The following LMBRD1 variants were observed in gnomAD, a reference collection of about 807,000 sequenced individuals.
LMBRD1 encodes LMBR1 domain containing 1, also known as lysosomal cobalamin transport escort protein LMBD1.
LMBRD1 carries 64 observed loss-of-function variants against 74.8 expected under a neutral mutation model. The observed-to-expected ratio is 0.86, with a 90% CI of 0.70 to 1.05. LMBRD1 has a LOEUF of 1.05. LMBRD1 is among the 50% of genes least tolerant of loss of function. LMBRD1 has a pLI of 0.00. For synonymous variants in LMBRD1, 204 were observed against 216.3 expected (o/e 0.94, Z 0.50); for missense variants, 652 against 645.9 (o/e 1.01, Z -0.10).
rs754843391 is a variant in LMBRD1, at chr6:69,773,996, G to GA, written c.307+6497dup. On this transcript the variant is annotated intron_variant, in intron 3 of 15. Coordinates refer to ENST00000649934, the MANE Select transcript of LMBRD1 (RefSeq NM_018368.4). ...ACATCTACACACAAGATGATAGCCT[G>GA]AAAACTAGTGTCAAGAGAAGAAAGT... Among the ~76,000 whole-genome samples the GA allele has an allele frequency of 2.6e-5, 4 of 152,276 alleles. No homozygotes were observed. In the East Asian group the frequency reaches 7.7e-4, roughly 29 times the overall value.
chr6:69,706,961 C>T (rs1055350790), intron 9 of LMBRD1, among the ~76,000 whole-genome samples: 3 of 152,128 alleles, frequency 2.0e-5, no homozygotes, highest in African/African-American at 4.8e-5. Flanking sequence ...ATTCTCTGCT[C>T]GAGGTCTCAC....
At chr6:69,789,890 G>A (rs932622330) in intron 2 of LMBRD1, among the ~76,000 whole-genome samples, 2 of 152,214 alleles carry the variant, frequency 1.3e-5, no homozygotes, top group African/African-American at 4.8e-5. Flanking sequence ...CTAGAACTCA[G>A]ATCTTATAAT....
chr6:69,751,570 C>T (rs1461574434), intron 4 of LMBRD1, among the ~76,000 whole-genome samples: 1 of 152,146 alleles, frequency 6.6e-6, no homozygotes, highest in Non-Finnish European at 1.5e-5. Flanking sequence ...TCAGGTGATC[C>T]GCCCGCCTCG....
Position 69,674,273 on chromosome 6 carries a change from C to G in LMBRD1, c.*1885G>C, listed in dbSNP as rs1765502113. Reference sequence around the variant, plus strand: ...TTTAATTACTTTTAAAAGGCCCTATCTCCACATAAAGTATTATTCTATGAA... The same window carrying G: ...TTTAATTACTTTTAAAAGGCCCTATGTCCACATAAAGTATTATTCTATGAA... On this transcript the variant is annotated 3_prime_UTR_variant, in exon 16 of 16. Transcript: ENST00000649934. 6.6e-6 allele frequency among the ~76,000 whole-genome samples: 1 copy of G among 152,168 alleles called. No individual in the cohort carries two copies. Among genetic ancestry groups the G allele is most frequent in the Non-Finnish European group, 1.5e-5 (1 of 68,036 alleles).
intron 5 of LMBRD1, among the ~76,000 whole-genome samples, chr6:69,748,797 G>C (rs1460172064): frequency 6.6e-6 from 1 of 151,816 alleles, no homozygotes; most frequent in Non-Finnish European, 1.5e-5. Flanking sequence ...ATAAAAACAA[G>C]AAGAATTAAG....
intron 3 of LMBRD1, among the ~76,000 whole-genome samples, chr6:69,761,542 A>G (rs1253680187): frequency 6.6e-6 from 1 of 152,220 alleles, no homozygotes; most frequent in African/African-American, 2.4e-5. Context: ...AAGTTATATT[A>G]ATAGCAACTA....
At chr6:69,680,316 A>G (rs1172141746) in intron 14 of LMBRD1, among the ~76,000 whole-genome samples, 1 of 152,188 alleles carries the variant, frequency 6.6e-6, no homozygotes, top group Non-Finnish European at 1.5e-5. Flanking sequence ...CTAATGCTGT[A>G]AACTTAAAAA....
chr6:69,796,923 G>T lies in LMBRD1; in HGVS notation c.-42C>A. On this transcript the variant is annotated 5_prime_UTR_variant, in exon 1 of 16. Transcript: ENST00000649934. ...GACCAACCTGAGCGCCCGGGGTGGG[G>T]AAAGGGGAGGGGGAAAGGGGAGAGA... 5 of 1,538,622 alleles carry T rather than the reference G, an allele frequency of 3.2e-6. No individual in the cohort carries two copies. Among genetic ancestry groups the T allele is most frequent in the African/African-American group, 1.4e-5 (1 of 73,520 alleles).
At chr6:69,790,275 G>T in intron 2 of LMBRD1, 21 bp downstream of exon 2, 1 of 1,554,418 alleles carries the variant, frequency 6.4e-7, no homozygotes, top group South Asian at 1.1e-5. Flanking sequence ...AAAAAAATCT[G>T]CAAAGTAAGA....
intron 1 of LMBRD1, 27 bp downstream of exon 1, chr6:69,796,786 G>A: frequency 6.2e-7 from 1 of 1,609,368 alleles, no homozygotes; most frequent in Non-Finnish European, 8.5e-7. Flanking sequence ...GTCCAAACAT[G>A]GGGAAAACTC....
intron 14 of LMBRD1, among the ~76,000 whole-genome samples, chr6:69,696,381 T>C (rs140506468): frequency 1.0e-3 from 157 of 152,310 alleles, no homozygotes; most frequent in African/African-American, 3.6e-3. Context: ...ATAACTGCTA[T>C]AATTAACTTA....
intron 3 of LMBRD1, among the ~76,000 whole-genome samples, chr6:69,774,966 G>A (rs993638509): frequency 2.6e-5 from 1 of 38,062 alleles, no homozygotes; most frequent in African/African-American, 1.2e-4. Context: ...AGGAAGGAAG[G>A]AAGGAAGGAA....
intron 3 of LMBRD1, among the ~76,000 whole-genome samples, chr6:69,755,391 T>C (rs977827855): frequency 6.6e-6 from 1 of 151,472 alleles, no homozygotes; most frequent in African/African-American, 2.4e-5. Flanking sequence ...TGAGAACACA[T>C]GGACACAGGG....
intron 9 of LMBRD1, among the ~76,000 whole-genome samples, chr6:69,704,659 G>T (rs1352069827): frequency 6.6e-5 from 8 of 120,444 alleles, no homozygotes; most frequent in Non-Finnish European, 1.4e-4. Flanking sequence ...AATGAAGTTA[G>T]GTAGTGGTCT....
At position 69,713,179 on chromosome 6, in the gene LMBRD1, A is replaced by C. The variant is rs986365599; in HGVS notation, c.915+466T>G. Among the ~76,000 whole-genome samples, 17 of 152,212 alleles carry C rather than the reference A, an allele frequency of 1.1e-4. 1 individual carries two copies. The highest frequency in any genetic ancestry group is 8.3e-4 in the South Asian group (4 of 4,824). On this transcript the variant is annotated intron_variant, in intron 9 of 15. Coordinates refer to ENST00000649934, the MANE Select transcript of LMBRD1 (RefSeq NM_018368.4). ...AGCGTACCATGAATACATACTAAGG[A>C]AAGGATAGTCAATCCAACATAGTGC...
chr6:69,793,936 G>A (rs927834019), intron 1 of LMBRD1, among the ~76,000 whole-genome samples: 1 of 151,816 alleles, frequency 6.6e-6, no homozygotes, highest in East Asian at 1.9e-4. Flanking sequence ...GCCCAGGCTG[G>A]TCTCAACTCC....
At chr6:69,750,248 T>G (rs146973168) in intron 4 of LMBRD1, among the ~76,000 whole-genome samples, 1 of 151,504 alleles carries the variant, frequency 6.6e-6, no homozygotes, top group Non-Finnish European at 1.5e-5. Flanking sequence ...ATTCTCATAA[T>G]AACTCTAAGA....
intron 2 of LMBRD1, 52 bp from the exon 3 acceptor site, chr6:69,780,606 CAATT>C (rs1765811446): frequency 7.2e-7 from 1 of 1,392,704 alleles, no homozygotes; most frequent in African/African-American, 1.4e-5. Flanking sequence ...ATTTGCCTAA[CAATT>C]AAAAGTCAAG....
intron 3 of LMBRD1, among the ~76,000 whole-genome samples, chr6:69,765,454 A>T (rs985143792): frequency 6.6e-6 from 1 of 152,136 alleles, no homozygotes; most frequent in African/African-American, 2.4e-5. Context: ...TCTGAATTTT[A>T]TTCCATTGCT....
Sources: gnomAD v4.1 joint callset for allele counts (sites outside exome capture counted in the v4.1 genomes callset) on GRCh38, gnomAD v4.1.1 for gene constraint, MANE v1.5 for transcripts, NCBI Gene and HGNC (gene_info 2026-07-23, HGNC 2026-07-21) for gene names.